QTMAN: variants seen among roughly 807,000 people sequenced by gnomAD.
QTMAN encodes tRNA-queuosine alpha-mannosyltransferase.
chr2:144,307,363 G>GT, the QTMAN span, among the ~76,000 whole-genome samples: 1 of 151,976 alleles, frequency 6.6e-6, no homozygotes, highest in Non-Finnish European at 1.5e-5. Context: ...AATATCACAC[G>GT]TAACAGTGAA....
At chr2:144,065,762 CTTTTTTTT>C in the QTMAN span, among the ~76,000 whole-genome samples, 1 of 132,512 alleles carries the variant, frequency 7.5e-6, no homozygotes, top group Admixed American at 7.6e-5. Context: ...AAGAAAATAA[CTTTTTTTT>C]TTTTTTTTTG....
chr2:144,133,421 TATATATAATATATA>T, the QTMAN span, among the ~76,000 whole-genome samples: 283 of 54,812 alleles, frequency 5.2e-3, no homozygotes, highest in Middle Eastern at 0.025. Context: ...TTATATATAA[TATATATAATATATA>T]ATATATAATA....
chr2:144,145,918 A>C, the QTMAN span: 1 of 268,652 alleles, frequency 3.7e-6, no homozygotes, highest in Non-Finnish European at 7.0e-6. Flanking sequence ...CTTAAAAAGC[A>C]GCTGCTTAGA....
At chr2:144,044,848 G>T in the QTMAN span, among the ~76,000 whole-genome samples, 1 of 152,168 alleles carries the variant, frequency 6.6e-6, no homozygotes, top group Admixed American at 6.5e-5. Context: ...AGCTGGTTTT[G>T]TGGAAGTATG....
chr2:144,008,423 GA>G, the QTMAN span, among the ~76,000 whole-genome samples: 1 of 152,044 alleles, frequency 6.6e-6, no homozygotes, highest in Non-Finnish European at 1.5e-5. Flanking sequence ...CAGAGTCAGG[GA>G]AGCTCTGGAG....
chr2:144,257,087 G>A, the QTMAN span, among the ~76,000 whole-genome samples: 67 of 128,630 alleles, frequency 5.2e-4, no homozygotes, highest in East Asian at 1.3e-3. Context: ...GAAACAAACT[G>A]AAAAAAAAAA....
At chr2:144,187,824 G>A in the QTMAN span, among the ~76,000 whole-genome samples, 1 of 152,100 alleles carries the variant, frequency 6.6e-6, no homozygotes. Flanking sequence ...CTGTGAATGT[G>A]ACCCCATTCA....
chr2:144,093,960 C>T, the QTMAN span, among the ~76,000 whole-genome samples: 1 of 152,182 alleles, frequency 6.6e-6, no homozygotes, highest in Non-Finnish European at 1.5e-5. Context: ...TGACCAATCT[C>T]CAAACAAGGT....
chr2:144,147,113 T>C, the QTMAN span, among the ~76,000 whole-genome samples: 17 of 151,960 alleles, frequency 1.1e-4, no homozygotes, highest in Non-Finnish European at 2.9e-5. Flanking sequence ...GCCTTTCACA[T>C]AAGAAGGATT....
chr2:144,112,587 A>G, the QTMAN span, among the ~76,000 whole-genome samples: 2 of 152,214 alleles, frequency 1.3e-5, no homozygotes, highest in African/African-American at 4.8e-5. Context: ...TTATCTAAAC[A>G]CTTCTACTCT....
chr2:144,000,954 C>T, the QTMAN span, among the ~76,000 whole-genome samples: 1 of 151,938 alleles, frequency 6.6e-6, no homozygotes, highest in East Asian at 1.9e-4. Context: ...GTACTATTCA[C>T]CCCACACCAT....
chr2:144,208,849 G>C, the QTMAN span: 2 of 1,104,516 alleles, frequency 1.8e-6, no homozygotes, highest in Non-Finnish European at 1.3e-6. Context: ...TTACATACAT[G>C]TATAAAATTT....
chr2:144,098,026 C>T, the QTMAN span, among the ~76,000 whole-genome samples: 105 of 152,354 alleles, frequency 6.9e-4, 1 homozygote, highest in Non-Finnish European at 1.2e-3. Flanking sequence ...TGACAAGAAG[C>T]TGCAGCACTC....
chr2:144,226,234 A>C, the QTMAN span, among the ~76,000 whole-genome samples: 2 of 152,364 alleles, frequency 1.3e-5, no homozygotes, highest in Admixed American at 1.3e-4. Context: ...AATGCAAAGC[A>C]TAAAGCTACC....
chr2:144,279,692 T>C, the QTMAN span, among the ~76,000 whole-genome samples: 9 of 152,186 alleles, frequency 5.9e-5, no homozygotes, highest in Non-Finnish European at 1.2e-4. Flanking sequence ...TTGAACTTTG[T>C]CCACCAAGTT....
the QTMAN span, among the ~76,000 whole-genome samples, chr2:144,133,425 T>TA: frequency 2.2e-5 from 1 of 44,556 alleles, no homozygotes; most frequent in African/African-American, 1.6e-4. Flanking sequence ...ATATAATATA[T>TA]ATAATATATA....
the QTMAN span, among the ~76,000 whole-genome samples, chr2:144,070,545 G>C: frequency 6.6e-6 from 1 of 151,944 alleles, no homozygotes; most frequent in Non-Finnish European, 1.5e-5. Flanking sequence ...TGAAATAAAA[G>C]GAAGAACATA....
the QTMAN span, among the ~76,000 whole-genome samples, chr2:144,238,462 T>G: frequency 6.6e-6 from 1 of 152,114 alleles, no homozygotes. Flanking sequence ...TTCTGCAAAT[T>G]AAGTAGCATG....
chr2:144,153,057 G>A, the QTMAN span, among the ~76,000 whole-genome samples: 35 of 152,236 alleles, frequency 2.3e-4, no homozygotes, highest in African/African-American at 8.4e-4. Context: ...GGACTAAAAG[G>A]ATCAGTGCTA....
Sources: gnomAD v4.1 joint callset for allele counts (sites outside exome capture counted in the v4.1 genomes callset) on GRCh38, gnomAD v4.1.1 for gene constraint, MANE v1.5 for transcripts, NCBI Gene and HGNC (gene_info 2026-07-23, HGNC 2026-07-21) for gene names.